Variants in SUGCT observed in about 807,000 individuals in gnomAD.
The protein encoded by SUGCT is succinyl-CoA:glutarate-CoA transferase, also known as succinyl-CoA:glutarate CoA-transferase.
SUGCT carries 41 observed loss-of-function variants against 55.0 expected under a neutral mutation model. The observed-to-expected ratio is 0.74, with a 90% CI of 0.58 to 0.97. The LOEUF (loss-of-function observed/expected upper bound fraction) is 0.97. Ranked by LOEUF, SUGCT falls within the 50% of genes least tolerant of loss-of-function variation. The pLI is 0.00. For missense variants in SUGCT, 568 were observed against 547.8 expected, an observed-to-expected ratio of 1.04 and a Z score of -0.37; for synonymous variants, 187 against 200.4, an observed-to-expected ratio of 0.93 and a Z score of 0.56.
chr7:40,255,991 C>T (rs1050767742), intron 7 of SUGCT, among the ~76,000 whole-genome samples: 4 of 152,110 alleles, frequency 2.6e-5, no homozygotes, highest in Non-Finnish European at 5.9e-5. Flanking sequence ...GTCGGTGGAG[C>T]TTTTTATTCC....
At chr7:41,036,074 C>T in the SUGCT span, among the ~76,000 whole-genome samples, 1 of 152,212 alleles carries the variant, frequency 6.6e-6, no homozygotes, top group Non-Finnish European at 1.5e-5. Flanking sequence ...AGGGAGGACT[C>T]AGGTCCCCTC....
At chr7:40,786,209 G>A (rs7804009) in intron 13 of SUGCT, among the ~76,000 whole-genome samples, 47,108 of 152,098 alleles carry the variant, frequency 0.31, 7,786 homozygotes, top group South Asian at 0.44. Context: ...ATTTGAGCAT[G>A]TGATTTCAGA....
intron 13 of SUGCT, among the ~76,000 whole-genome samples, chr7:40,764,015 C>T (rs1019478016): frequency 1.3e-5 from 2 of 152,100 alleles, no homozygotes; most frequent in African/African-American, 4.8e-5. Flanking sequence ...CCCAACTGTC[C>T]TGCAGCATAT....
chr7:40,153,868 C>T, intron 1 of SUGCT: 1 of 363,940 alleles, frequency 2.7e-6, no homozygotes, highest in Non-Finnish European at 5.6e-6. Context: ...GGCAGATTTG[C>T]CATTTGGAAA....
chr7:40,701,356 G>A (rs559784501), intron 12 of SUGCT, among the ~76,000 whole-genome samples: 2 of 152,296 alleles, frequency 1.3e-5, no homozygotes, highest in Admixed American at 6.5e-5. Context: ...GAGCTCATCC[G>A]CCATTCCAGT....
At chr7:40,246,763 T>C (rs1192052142) in intron 7 of SUGCT, among the ~76,000 whole-genome samples, 1 of 151,488 alleles carries the variant, frequency 6.6e-6, no homozygotes, top group African/African-American at 2.4e-5. Flanking sequence ...TGCCTGGCTA[T>C]TTTTTTTGTA....
intron 12 of SUGCT, among the ~76,000 whole-genome samples, chr7:40,537,803 A>G (rs1193055968): frequency 6.6e-6 from 1 of 152,220 alleles, no homozygotes; most frequent in Non-Finnish European, 1.5e-5. Flanking sequence ...TTTTTTTAAG[A>G]AGTCCAAACA....
Position 40,449,330 on chromosome 7 carries a change from A to C in SUGCT, c.860A>C (p.Asn287Thr), listed in dbSNP as rs772448176. 15 of 1,612,682 alleles carry C rather than the reference A, an allele frequency of 9.3e-6. No individual in the cohort carries two copies. Among genetic ancestry groups the C allele is most frequent in the Non-Finnish European group, 1.3e-5 (15 of 1,179,102 alleles). The change falls in exon 10 of 14, where the codon AAT (asparagine) becomes ACT (threonine). Residue 287 changes from asparagine (N) to threonine (T), a missense_variant. Physicochemically the swap from Asn to Thr is moderately conservative, Grantham distance 65. Coordinates refer to ENST00000335693, the MANE Select transcript of SUGCT (RefSeq NM_001193313.2). ...KDGYIVVGAG[N>T]NQQFATVCKI... ...GGCTATATTGTAGTTGGAGCAGGAA[A>C]TAACCAGCAGTTTGCCACCGTCTGC...
intron 9 of SUGCT, among the ~76,000 whole-genome samples, chr7:40,340,040 C>T (rs993130888): frequency 6.6e-6 from 1 of 152,136 alleles, no homozygotes; most frequent in African/African-American, 2.4e-5. Context: ...TCTTAGACTT[C>T]CTAGAACTCA....
chr7:40,336,756 T>G (rs1197238714), intron 9 of SUGCT, among the ~76,000 whole-genome samples: 5 of 152,224 alleles, frequency 3.3e-5, no homozygotes, highest in Non-Finnish European at 5.9e-5. Context: ...CCTTCAGTTC[T>G]GCTCTGATCT....
At chr7:40,255,689 A>G (rs1414530802) in intron 7 of SUGCT, among the ~76,000 whole-genome samples, 1 of 141,662 alleles carries the variant, frequency 7.1e-6, no homozygotes, top group Non-Finnish European at 1.6e-5. Flanking sequence ...AAAAAAAAAG[A>G]AAATAACTGT....
At chr7:40,278,071 C>T (rs1792659056) in intron 8 of SUGCT, among the ~76,000 whole-genome samples, 1 of 152,104 alleles carries the variant, frequency 6.6e-6, no homozygotes, top group East Asian at 1.9e-4. Context: ...GCCACATTTT[C>T]TTAATCCAGT....
chr7:40,262,155 T>A (rs945550961), intron 7 of SUGCT, among the ~76,000 whole-genome samples: 6 of 152,166 alleles, frequency 3.9e-5, no homozygotes, highest in African/African-American at 1.4e-4. Context: ...TGTGGTTTTG[T>A]GTATTTTTCA....
chr7:40,594,069 G>A (rs867780534), intron 12 of SUGCT, among the ~76,000 whole-genome samples: 14 of 151,928 alleles, frequency 9.2e-5, no homozygotes, highest in Non-Finnish European at 1.5e-4. Flanking sequence ...GTAAACTATC[G>A]CAAGAACAAA....
chr7:40,360,317 G>C (rs550112468), intron 9 of SUGCT, among the ~76,000 whole-genome samples: 1 of 152,026 alleles, frequency 6.6e-6, no homozygotes, highest in East Asian at 1.9e-4. Flanking sequence ...CCCAGCCTAA[G>C]ATTTTTTTTT....
intron 13 of SUGCT, among the ~76,000 whole-genome samples, chr7:40,843,443 G>A (rs1793381017): frequency 6.7e-6 from 1 of 149,730 alleles, no homozygotes; most frequent in African/African-American, 2.5e-5. Flanking sequence ...CAGGCAGTCA[G>A]AGGTTGCAAT....
chr7:40,689,345 T>C (rs1325112377), intron 12 of SUGCT, among the ~76,000 whole-genome samples: 1 of 152,180 alleles, frequency 6.6e-6, no homozygotes, highest in Non-Finnish European at 1.5e-5. Context: ...AGGCAATCTT[T>C]TTTACCTTTT....
At chr7:40,991,611 T>C in the SUGCT span, among the ~76,000 whole-genome samples, 1 of 152,220 alleles carries the variant, frequency 6.6e-6, no homozygotes, top group Non-Finnish European at 1.5e-5. Flanking sequence ...ATCTATTGTA[T>C]CTTGATTTGT....
At chr7:40,325,242 A>T (rs12701817) in intron 9 of SUGCT, among the ~76,000 whole-genome samples, 104,395 of 150,762 alleles carry the variant, frequency 0.69, 36,425 homozygotes, top group East Asian at 0.99. Flanking sequence ...ATTTTTTTTT[A>T]AAAAGTCAAA....
Sources: gnomAD v4.1 joint callset for allele counts (sites outside exome capture counted in the v4.1 genomes callset) on GRCh38, gnomAD v4.1.1 for gene constraint, MANE v1.5 for transcripts, NCBI Gene and HGNC (gene_info 2026-07-23, HGNC 2026-07-21) for gene names.